The following NRG3 variants were observed in gnomAD, a reference collection of about 807,000 sequenced individuals.
NRG3 encodes the protein pro-neuregulin-3, membrane-bound isoform.
Under a neutral mutation model 66.9 loss-of-function variants are expected in NRG3, and 31 were observed. That is an observed-to-expected ratio of 0.46 (90% CI 0.35 to 0.63). The LOEUF (loss-of-function observed/expected upper bound fraction) is 0.63. NRG3 is among the 20% of genes least tolerant of loss of function. The pLI, the probability that NRG3 is intolerant of heterozygous loss-of-function variation, is 0.00. For synonymous variants in NRG3, 393 were observed against 359.4 expected, an observed-to-expected ratio of 1.09 and a Z score of -1.06; for missense variants, 910 against 878.9, an observed-to-expected ratio of 1.04 and a Z score of -0.45.
intron 2 of NRG3, among the ~76,000 whole-genome samples, chr10:82,475,628 A>G (rs1229067842): frequency 6.6e-6 from 1 of 152,156 alleles, no homozygotes; most frequent in Non-Finnish European, 1.5e-5. Flanking sequence ...TATTGGAAAA[A>G]TTGGATATTC....
intron 4 of NRG3, among the ~76,000 whole-genome samples, chr10:82,875,380 C>A (rs1841719178): frequency 6.6e-6 from 1 of 152,000 alleles, no homozygotes; most frequent in African/African-American, 2.4e-5. Context: ...TTTTTCAAGG[C>A]AGGGTCTTGC....
intron 4 of NRG3, among the ~76,000 whole-genome samples, chr10:82,941,336 T>A (rs1307179286): frequency 6.6e-6 from 1 of 152,216 alleles, no homozygotes; most frequent in Non-Finnish European, 1.5e-5. Context: ...ATGAAATACT[T>A]GTTTAAGGCA....
At chr10:82,556,990 A>G (rs989554482) in intron 2 of NRG3, among the ~76,000 whole-genome samples, 5 of 152,208 alleles carry the variant, frequency 3.3e-5, no homozygotes, top group Non-Finnish European at 5.9e-5. Flanking sequence ...TTATGGCTGC[A>G]TAGTATTCCA....
At chr10:82,258,266 T>G (rs1589496359) in intron 1 of NRG3, among the ~76,000 whole-genome samples, 1 of 152,360 alleles carries the variant, frequency 6.6e-6, no homozygotes, top group Non-Finnish European at 1.5e-5. Flanking sequence ...TTGTGCTCAA[T>G]TATGGCCTTA....
chr10:82,639,727 G>A (rs775243291), intron 2 of NRG3, among the ~76,000 whole-genome samples: 5 of 151,804 alleles, frequency 3.3e-5, no homozygotes, highest in Admixed American at 6.6e-5. Context: ...TTTCTTGGCT[G>A]TAAGAATTTC....
At chr10:82,617,267 C>CACACAA (rs2048724076) in intron 2 of NRG3, among the ~76,000 whole-genome samples, 1 of 149,408 alleles carries the variant, frequency 6.7e-6, no homozygotes, top group East Asian at 2.0e-4. Context: ...CACATACACA[C>CACACAA]ACACAAACAC....
chr10:82,349,872 C>T (rs1249604037), intron 1 of NRG3, among the ~76,000 whole-genome samples: 3 of 152,196 alleles, frequency 2.0e-5, no homozygotes, highest in African/African-American at 7.2e-5. Context: ...AAACGGAACT[C>T]CCTGACCCCT....
intron 1 of NRG3, among the ~76,000 whole-genome samples, chr10:81,948,270 C>G (rs769875394): frequency 1.3e-5 from 2 of 152,168 alleles, no homozygotes; most frequent in Non-Finnish European, 2.9e-5. Context: ...GCCCCTTCCC[C>G]TACTCAGGCA....
chr10:82,621,633 A>T (rs2049045622), intron 2 of NRG3, among the ~76,000 whole-genome samples: 1 of 152,238 alleles, frequency 6.6e-6, no homozygotes, highest in South Asian at 2.1e-4. Flanking sequence ...GAAATAGTTT[A>T]GACTGGGGGG....
At chr10:82,300,803 C>A (rs904662285) in intron 1 of NRG3, among the ~76,000 whole-genome samples, 2 of 151,854 alleles carry the variant, frequency 1.3e-5, no homozygotes, top group African/African-American at 4.8e-5. Flanking sequence ...CAGATACTCT[C>A]TGAGTTAAAA....
intron 5 of NRG3, among the ~76,000 whole-genome samples, chr10:82,957,419 C>T (rs1425337081): frequency 2.0e-5 from 3 of 151,794 alleles, no homozygotes; most frequent in Non-Finnish European, 4.4e-5. Flanking sequence ...CTATCTTTGT[C>T]AGAGACGTTG....
intron 1 of NRG3, among the ~76,000 whole-genome samples, chr10:82,030,175 C>T (rs2062497786): frequency 6.6e-6 from 1 of 152,026 alleles, no homozygotes; most frequent in African/African-American, 2.4e-5. Flanking sequence ...ACAATGACAC[C>T]TTTGGGAGGG....
chr10:82,544,648 T>C (rs1349017168), intron 2 of NRG3, among the ~76,000 whole-genome samples: 1 of 152,116 alleles, frequency 6.6e-6, no homozygotes, highest in Non-Finnish European at 1.5e-5. Flanking sequence ...GGAGGGCTAG[T>C]TTGCTCTACA....
intron 1 of NRG3, among the ~76,000 whole-genome samples, chr10:82,112,506 C>A (rs1485006763): frequency 6.6e-6 from 1 of 152,110 alleles, no homozygotes; most frequent in Non-Finnish European, 1.5e-5. Context: ...CCACAGGAGG[C>A]AGTTTAAATG....
At chr10:82,170,253 T>C (rs1474825393) in intron 1 of NRG3, among the ~76,000 whole-genome samples, 2 of 151,952 alleles carry the variant, frequency 1.3e-5, no homozygotes, top group African/African-American at 4.8e-5. Flanking sequence ...TGCAGAAAAA[T>C]GGCATGGGTG....
intron 1 of NRG3, among the ~76,000 whole-genome samples, chr10:82,180,575 A>T (rs2073346618): frequency 6.6e-6 from 1 of 151,828 alleles, no homozygotes; most frequent in Non-Finnish European, 1.5e-5. Context: ...CTATCCTTTC[A>T]TCATAGGGAT....
intron 2 of NRG3, among the ~76,000 whole-genome samples, chr10:82,557,783 T>G (rs2044746424): frequency 6.6e-6 from 1 of 152,168 alleles, no homozygotes; most frequent in Admixed American, 6.5e-5. Context: ...TGAATTTATT[T>G]AATCCTCACA....
intron 3 of NRG3, among the ~76,000 whole-genome samples, chr10:82,857,848 A>G (rs905410873): frequency 1.3e-5 from 2 of 152,228 alleles, no homozygotes; most frequent in African/African-American, 4.8e-5. Context: ...GAAGTTTAGA[A>G]TCAGCCCTGC....
intron 1 of NRG3, among the ~76,000 whole-genome samples, chr10:81,943,849 C>T (rs1452618507): frequency 1.3e-5 from 2 of 152,136 alleles, no homozygotes; most frequent in African/African-American, 4.8e-5. Context: ...TACATTTACT[C>T]ACAGCTTCCA....
Sources: gnomAD v4.1 joint callset for allele counts (sites outside exome capture counted in the v4.1 genomes callset) on GRCh38, gnomAD v4.1.1 for gene constraint, MANE v1.5 for transcripts, NCBI Gene and HGNC (gene_info 2026-07-23, HGNC 2026-07-21) for gene names.